RUNX2: variants seen among roughly 807,000 people sequenced by gnomAD.
RUNX2 encodes the protein RUNX family transcription factor 2, also known as runt-related transcription factor 2.
Under a neutral mutation model 51.7 loss-of-function variants are expected in RUNX2, and 10 were observed. The observed-to-expected ratio is 0.19, with a 90% CI of 0.12 to 0.33. RUNX2 has a LOEUF of 0.33. Among genes scored for constraint, RUNX2 ranks in the 10% least tolerant of loss-of-function variants. RUNX2 has a pLI of 1.00. For missense variants in RUNX2, 562 were observed against 691.3 expected, an observed-to-expected ratio of 0.81 and a Z score of 2.10; for synonymous variants, 276 against 273.6, an observed-to-expected ratio of 1.01 and a Z score of -0.09.
chr6:45,429,219 T>C (rs770570101), intron 3 of RUNX2, among the ~76,000 whole-genome samples: 2 of 152,120 alleles, frequency 1.3e-5, no homozygotes, highest in African/African-American at 2.4e-5. Context: ...CCTCTTGATT[T>C]TGGTATATTC....
At position 45,382,414 on chromosome 6, in the gene RUNX2, G is replaced by A. The variant is rs547235954; in HGVS notation, c.59-40179G>A. On this transcript the variant is annotated intron_variant, in intron 2 of 8. Coordinates refer to ENST00000647337, the MANE Select transcript of RUNX2 (RefSeq NM_001024630.4). ...GGATGTGGAAGGAGACCAAGCACAGGAGAAATGGGGAAGATGTCATTTTTA... is the reference window on the plus strand; with the variant it reads ...GGATGTGGAAGGAGACCAAGCACAGAAGAAATGGGGAAGATGTCATTTTTA... Among the ~76,000 whole-genome samples, 3 of 152,346 alleles carry A rather than the reference G, an allele frequency of 2.0e-5. No individual in the cohort carries two copies. The South Asian group carries it at 6.2e-4, about 32-fold the overall frequency.
intron 7 of RUNX2, among the ~76,000 whole-genome samples, chr6:45,535,326 C>G (rs188231133): frequency 2.0e-5 from 3 of 151,904 alleles, no homozygotes; most frequent in African/African-American, 7.3e-5. Flanking sequence ...ACAAATGGGC[C>G]GGGGGCAGTG....
At chr6:45,540,232 A>T (rs1346967712) in intron 7 of RUNX2, among the ~76,000 whole-genome samples, 1 of 152,140 alleles carries the variant, frequency 6.6e-6, no homozygotes. Context: ...AATTGCTCAG[A>T]TATGCTTTTT....
chr6:45,484,801 C>T (rs147460969), intron 5 of RUNX2, among the ~76,000 whole-genome samples: 2,659 of 152,314 alleles, frequency 0.017, 32 homozygotes, highest in Non-Finnish European at 0.024. Flanking sequence ...TACAAACACA[C>T]TCCTTCATGT....
Position 45,485,695 on chromosome 6 carries a change from G to GTATATATATATATATATATATATATA in RUNX2, c.686-6245_686-6244insATATATATATATATATATATATATAT, listed in dbSNP as rs1389655363. Among the ~76,000 whole-genome samples, 447 of 106,748 alleles carry GTATATATATATATATATATATATATA rather than the reference G, an allele frequency of 4.2e-3. 8 individuals carry two copies. The highest frequency in any genetic ancestry group is 6.6e-3 in the East Asian group (21 of 3,190). The allele number at this position is 106,748 out of a possible 152,430, so 70.0% of individuals were successfully genotyped here. ...TGTATGTGTGTGTGTGTGTGTGTGT[G>GTATATATATATATATATATATATATA]TGTATATATATATATATATATACAC... On this transcript the variant is annotated intron_variant, in intron 5 of 8. Coordinates refer to ENST00000647337, the MANE Select transcript of RUNX2 (RefSeq NM_001024630.4).
chr6:45,350,343 C>T (rs1791764552), intron 2 of RUNX2, among the ~76,000 whole-genome samples: 1 of 152,164 alleles, frequency 6.6e-6, no homozygotes, highest in African/African-American at 2.4e-5. Context: ...AGGTGCTAGT[C>T]TAAAAACTGT....
chr6:45,547,355 A>G lies in RUNX2; in HGVS notation c.*50A>G, dbSNP rs1288843443. 1 of 1,325,454 alleles carries G rather than the reference A, an allele frequency of 7.5e-7. No individual in the cohort carries two copies. The highest frequency in any genetic ancestry group is 1.1e-6 in the Non-Finnish European group (1 of 918,886). 82.1% of individuals were successfully genotyped at this position (1,325,454 alleles called of 1,614,324 possible). Reference sequence around the variant, plus strand: ...TATCTGGGGGCCACATCCCACACGTATCAATATATACATATATAGAGAGAG... The same window carrying G: ...TATCTGGGGGCCACATCCCACACGTGTCAATATATACATATATAGAGAGAG... On this transcript the variant is annotated 3_prime_UTR_variant, in exon 9 of 9. Coordinates refer to ENST00000647337, the MANE Select transcript of RUNX2 (RefSeq NM_001024630.4).
chr6:45,524,922 C>G (rs545601530), intron 7 of RUNX2, among the ~76,000 whole-genome samples: 29 of 152,124 alleles, frequency 1.9e-4, no homozygotes, highest in Non-Finnish European at 3.2e-4. Flanking sequence ...ACCATTCTGG[C>G]CAAAATGGTG....
intron 2 of RUNX2, among the ~76,000 whole-genome samples, chr6:45,336,771 CTATAA>C (rs1261546838): frequency 2.0e-5 from 3 of 151,356 alleles, no homozygotes; most frequent in Admixed American, 6.6e-5. Context: ...AAGTGATTTT[CTATAA>C]TATAACTTCA....
intron 8 of RUNX2, 134 bp downstream of exon 8, chr6:45,545,416 C>A: frequency 1.0e-6 from 1 of 958,466 alleles, no homozygotes; most frequent in Non-Finnish European, 1.5e-6. Flanking sequence ...AAATGCACAT[C>A]ATGGCACTTA....
chr6:45,389,053 A>G (rs1214074609), intron 2 of RUNX2, among the ~76,000 whole-genome samples: 1 of 152,220 alleles, frequency 6.6e-6, no homozygotes, highest in African/African-American at 2.4e-5. Context: ...ATTATCCTCC[A>G]ACAAATGTTT....
chr6:45,523,308 C>T (rs1801564716), intron 7 of RUNX2, among the ~76,000 whole-genome samples: 1 of 151,890 alleles, frequency 6.6e-6, no homozygotes. Flanking sequence ...TCTTATTGCC[C>T]AGGCTGGAGT....
At chr6:45,521,192 TA>T (rs941255099) in intron 7 of RUNX2, among the ~76,000 whole-genome samples, 24 of 151,862 alleles carry the variant, frequency 1.6e-4, no homozygotes, top group Non-Finnish European at 3.4e-4. Flanking sequence ...AAGAAGATTT[TA>T]AAAAAAAGAG....
chr6:45,532,750 T>C (rs1442950131), intron 7 of RUNX2, among the ~76,000 whole-genome samples: 2 of 152,134 alleles, frequency 1.3e-5, no homozygotes, highest in African/African-American at 4.8e-5. Flanking sequence ...TTGGTCCACA[T>C]CTGGAGTGGA....
rs903505818 is a variant in RUNX2 at position 45,548,894 on chromosome 6, G to A, written c.*1589G>A. 2 of 364,078 alleles carry A rather than the reference G, an allele frequency of 5.5e-6. No homozygotes were observed. The highest frequency in any genetic ancestry group is 9.8e-6 in the Non-Finnish European group (2 of 204,320). 22.6% of individuals were successfully genotyped at this position (364,078 alleles called of 1,614,324 possible). ...GAATTTGCATTTAGAGGAGCAGAAT[G>A]ACATCACTGTCCTTTGGGAGTAGGT... On this transcript the variant is annotated 3_prime_UTR_variant, in exon 9 of 9. Transcript: ENST00000647337.
At chr6:45,357,258 C>A (rs1439727977) in intron 2 of RUNX2, among the ~76,000 whole-genome samples, 1 of 152,128 alleles carries the variant, frequency 6.6e-6, no homozygotes. Context: ...CCGCCCACCT[C>A]GGCCTCCCAA....
intron 5 of RUNX2, among the ~76,000 whole-genome samples, chr6:45,485,663 A>C (rs1453408029): frequency 8.0e-6 from 1 of 125,512 alleles, no homozygotes; most frequent in Non-Finnish European, 1.7e-5. Context: ...ATATGTGTGC[A>C]TGGATATGTA....
intron 2 of RUNX2, among the ~76,000 whole-genome samples, chr6:45,347,748 C>T (rs1428781839): frequency 6.6e-6 from 1 of 151,190 alleles, no homozygotes; most frequent in African/African-American, 2.4e-5. Context: ...CAAAAAAGAA[C>T]TTCACAATTC....
At chr6:45,356,124 TTC>T (rs1793119479) in intron 2 of RUNX2, among the ~76,000 whole-genome samples, 1 of 152,174 alleles carries the variant, frequency 6.6e-6, no homozygotes, top group African/African-American at 2.4e-5. Context: ...GTGTACTCTA[TTC>T]TGTCATAGGA....
Sources: gnomAD v4.1 joint callset for allele counts (sites outside exome capture counted in the v4.1 genomes callset) on GRCh38, gnomAD v4.1.1 for gene constraint, MANE v1.5 for transcripts, NCBI Gene and HGNC (gene_info 2026-07-23, HGNC 2026-07-21) for gene names.